FOXP2: variants seen among roughly 807,000 people sequenced by gnomAD.
The protein encoded by FOXP2 is forkhead box protein P2.
FOXP2 carries 12 observed loss-of-function variants against 115.8 expected under a neutral mutation model. The ratio of observed to expected loss-of-function variants is 0.10; its 90% confidence interval spans 0.07 to 0.17. The LOEUF is 0.17. Among genes scored for constraint, FOXP2 ranks in the 10% least tolerant of loss-of-function variants. FOXP2 has a pLI of 1.00. For synonymous variants in FOXP2, 328 were observed against 297.7 expected (o/e 1.10, Z -1.05); for missense variants, 629 against 843.5 (o/e 0.75, Z 3.15).
chr7:114,592,732 G>C (rs1353574529), intron 3 of FOXP2, among the ~76,000 whole-genome samples: 1 of 151,950 alleles, frequency 6.6e-6, no homozygotes, highest in Non-Finnish European at 1.5e-5. Flanking sequence ...TAAAATTCAA[G>C]TAATATATCT....
At chr7:114,602,047 G>A (rs1399921226) in intron 3 of FOXP2, among the ~76,000 whole-genome samples, 4 of 152,024 alleles carry the variant, frequency 2.6e-5, no homozygotes, top group Non-Finnish European at 5.9e-5. Context: ...CTTATGGAAT[G>A]TATATCTGCT....
intron 1 of FOXP2, among the ~76,000 whole-genome samples, chr7:114,247,341 T>C (rs1270286494): frequency 6.6e-6 from 1 of 152,204 alleles, no homozygotes; most frequent in Non-Finnish European, 1.5e-5. Flanking sequence ...ACCTTGATAT[T>C]TCACAGACAT....
chr7:114,226,978 T>C (rs1794762175), intron 1 of FOXP2, among the ~76,000 whole-genome samples: 1 of 152,154 alleles, frequency 6.6e-6, no homozygotes, highest in Non-Finnish European at 1.5e-5. Context: ...TTACATACTC[T>C]AGTATGTTGA....
chr7:114,410,185 T>C (rs2129198490), upstream of FOXP2, among the ~76,000 whole-genome samples: 1 of 152,220 alleles, frequency 6.6e-6, no homozygotes, highest in South Asian at 2.1e-4. Flanking sequence ...TCTTCACATA[T>C]TCCTCATACT....
chr7:114,609,367 A>G (rs933621479), intron 3 of FOXP2, among the ~76,000 whole-genome samples: 1 of 152,212 alleles, frequency 6.6e-6, no homozygotes, highest in Non-Finnish European at 1.5e-5. Context: ...CATGCTTAAT[A>G]TATTTGTGAA....
chr7:114,474,554 A>C (rs1319138637), intron 2 of FOXP2, among the ~76,000 whole-genome samples: 1 of 152,170 alleles, frequency 6.6e-6, no homozygotes, highest in African/African-American at 2.4e-5. Flanking sequence ...ATTTTAAATA[A>C]ACTGAAGCTT....
chr7:114,178,581 C>T (rs1213025362), intron 1 of FOXP2, among the ~76,000 whole-genome samples: 1 of 151,726 alleles, frequency 6.6e-6, no homozygotes, highest in Non-Finnish European at 1.5e-5. Context: ...TTGATAATGC[C>T]AAGATATTTT....
intron 16 of FOXP2, among the ~76,000 whole-genome samples, chr7:114,675,839 A>G (rs902224110): frequency 6.6e-6 from 1 of 151,980 alleles, no homozygotes; most frequent in East Asian, 1.9e-4. Flanking sequence ...CACTTAGGAC[A>G]TAACAGTATA....
chr7:114,180,095 C>A (rs1197050535), intron 1 of FOXP2, among the ~76,000 whole-genome samples: 1 of 151,976 alleles, frequency 6.6e-6, no homozygotes, highest in African/African-American at 2.4e-5. Context: ...GTCACCTCTT[C>A]TGTACTGTCA....
intron 2 of FOXP2, among the ~76,000 whole-genome samples, chr7:114,466,883 C>G (rs1562943627): frequency 6.6e-6 from 1 of 152,124 alleles, no homozygotes; most frequent in Non-Finnish European, 1.5e-5. Flanking sequence ...CTAAATAGAG[C>G]AAGGACACTT....
chr7:114,623,780 G>A (rs564339493), intron 3 of FOXP2, among the ~76,000 whole-genome samples: 5 of 152,026 alleles, frequency 3.3e-5, no homozygotes, highest in Admixed American at 3.3e-4. Context: ...TAAAGTAATA[G>A]TAGAAATTAA....
intron 2 of FOXP2, among the ~76,000 whole-genome samples, chr7:114,464,322 AG>A (rs34020396): frequency 0.065 from 9,859 of 152,222 alleles, 430 homozygotes; most frequent in Middle Eastern, 0.15. Flanking sequence ...AGATAACTAA[AG>A]GGATGACTTA....
intron 3 of FOXP2, among the ~76,000 whole-genome samples, chr7:114,590,690 T>C (rs1322562291): frequency 1.3e-5 from 2 of 152,130 alleles, no homozygotes; most frequent in African/African-American, 4.8e-5. Context: ...AAATTCTGTT[T>C]GACAATAATA....
chr7:114,416,421 C>T (rs1014860472), intron 1 of FOXP2: 7 of 143,836 alleles, frequency 4.9e-5, no homozygotes, highest in African/African-American at 9.9e-5. Context: ...ACATTCTTCA[C>T]CTTCAGGTAA....
intron 16 of FOXP2, among the ~76,000 whole-genome samples, chr7:114,674,858 A>G (rs988136741): frequency 3.3e-5 from 5 of 152,072 alleles, no homozygotes; most frequent in Middle Eastern, 6.4e-3. Flanking sequence ...AATGAAATAA[A>G]CAATTTATTT....
intron 14 of FOXP2, 46 bp downstream of exon 14, chr7:114,662,232 G>C (rs1341987058): frequency 6.2e-7 from 1 of 1,609,406 alleles, no homozygotes; most frequent in Admixed American, 1.7e-5. Flanking sequence ...CATCCACCAG[G>C]AAAAGTAAAT....
At chr7:114,230,499 C>T (rs934306318) in intron 1 of FOXP2, among the ~76,000 whole-genome samples, 8 of 151,900 alleles carry the variant, frequency 5.3e-5, no homozygotes, top group Non-Finnish European at 1.2e-4. Flanking sequence ...CTGAATTCAA[C>T]AGCACATTAA....
intron 2 of FOXP2, among the ~76,000 whole-genome samples, chr7:114,296,430 A>G (rs1367924412): frequency 6.6e-6 from 1 of 152,184 alleles, no homozygotes; most frequent in East Asian, 1.9e-4. Flanking sequence ...TGAGCATTTT[A>G]TTCACTAATC....
chr7:114,244,590 C>T (rs1378946949), intron 1 of FOXP2, among the ~76,000 whole-genome samples: 1 of 152,098 alleles, frequency 6.6e-6, no homozygotes, highest in Non-Finnish European at 1.5e-5. Flanking sequence ...AAAGATAGGG[C>T]TTTTCATACA....
Sources: gnomAD v4.1 joint callset for allele counts (sites outside exome capture counted in the v4.1 genomes callset) on GRCh38, gnomAD v4.1.1 for gene constraint, MANE v1.5 for transcripts, NCBI Gene and HGNC (gene_info 2026-07-23, HGNC 2026-07-21) for gene names.